The following FRMPD2 variants were observed in gnomAD, a reference collection of about 807,000 sequenced individuals.
FRMPD2 encodes the protein FERM and PDZ domain-containing protein 2.
A neutral mutation model predicts 140.1 loss-of-function variants in FRMPD2; 96 were observed. That is an observed-to-expected ratio of 0.69 (90% CI 0.58 to 0.81). The LOEUF is 0.81. Ranked by LOEUF, FRMPD2 falls within the 40% of genes least tolerant of loss-of-function variation. The pLI is 0.00. For synonymous variants in FRMPD2, 449 were observed against 547.6 expected (o/e 0.82, Z 2.52); for missense variants, 1,240 against 1,447.4 (o/e 0.86, Z 2.32).
At chr10:48,194,342 G>A (rs976097868) in intron 15 of FRMPD2, among the ~76,000 whole-genome samples, 1 of 152,160 alleles carries the variant, frequency 6.6e-6, no homozygotes, top group African/African-American at 2.4e-5. Flanking sequence ...CACAGTCCAC[G>A]CTGGAAAATG....
At chr10:48,192,310 G>C (rs1394980931) in intron 16 of FRMPD2, among the ~76,000 whole-genome samples, 1 of 152,096 alleles carries the variant, frequency 6.6e-6, no homozygotes, top group Non-Finnish European at 1.5e-5. Context: ...GGCCAGGCTT[G>C]GTGGCTCATG....
intron 7 of FRMPD2, 139 bp from the exon 8 acceptor site, chr10:48,238,262 G>A (rs1840017900): frequency 3.5e-6 from 3 of 860,766 alleles, no homozygotes; most frequent in Non-Finnish European, 3.5e-6. Flanking sequence ...CTATGGGGGA[G>A]TTATATCCAT....
intron 12 of FRMPD2, among the ~76,000 whole-genome samples, chr10:48,221,937 G>T: frequency 6.7e-6 from 1 of 149,428 alleles, no homozygotes; most frequent in East Asian, 2.1e-4. Context: ...TAGATCAATG[G>T]ATAGATGAAT....
chr10:48,211,706 A>G (rs991582384), intron 13 of FRMPD2, among the ~76,000 whole-genome samples: 2 of 152,050 alleles, frequency 1.3e-5, no homozygotes, highest in Non-Finnish European at 2.9e-5. Flanking sequence ...TAAATAAAAT[A>G]AAAAATAAGG....
At position 48,251,670 on chromosome 10, in the gene FRMPD2, G is replaced by A. The variant is rs148156257; in HGVS notation, c.47C>T (p.Thr16Met). Residue 16 changes from threonine (T) to methionine (M), a missense_variant, in exon 2 of 29, where the codon ACG (threonine) becomes ATG (methionine). By Grantham distance (81) the Thr-to-Met change is moderately conservative. Transcript: ENST00000374201. ...CCTGACCTGTAGGGCGCTGGCCAGC[G>A]TCACAGAGGACAGGCTCATGCCTAC... ...KDAGMSLSSV[T>M]LASALQVRGE... is the part of the protein sequence containing the mutation. 4.0e-5 allele frequency: 64 copies of A among 1,614,056 alleles called. No homozygotes were observed. The African/African-American group carries it at 7.1e-4, about 18-fold the overall frequency.
At chr10:48,261,788 C>T (rs894545547) in intron 1 of FRMPD2, among the ~76,000 whole-genome samples, 4 of 151,984 alleles carry the variant, frequency 2.6e-5, no homozygotes, top group African/African-American at 9.7e-5. Context: ...GGTGATTATG[C>T]CTTATAAATA....
intron 12 of FRMPD2, among the ~76,000 whole-genome samples, chr10:48,217,662 T>A (rs1418909326): frequency 6.6e-6 from 1 of 152,236 alleles, no homozygotes; most frequent in African/African-American, 2.4e-5. Context: ...TATACATGTG[T>A]AGGTGTTGGG....
chr10:48,244,714 C>A (rs952230776), intron 4 of FRMPD2, 70 bp downstream of exon 4: 1 of 1,189,734 alleles, frequency 8.4e-7, no homozygotes, highest in Admixed American at 1.7e-5. Context: ...GTGGTCCCTG[C>A]CCAGGAGAAA....
chr10:48,266,773 C>G (rs1840684966), intron 1 of FRMPD2, among the ~76,000 whole-genome samples: 1 of 152,230 alleles, frequency 6.6e-6, no homozygotes, highest in Non-Finnish European at 1.5e-5. Flanking sequence ...CCACTTTCCT[C>G]TGGTGATAAC....
chr10:48,201,409 A>C, intron 14 of FRMPD2, 25 bp from the exon 15 acceptor site: 5 of 1,610,336 alleles, frequency 3.1e-6, no homozygotes, highest in Non-Finnish European at 4.2e-6. Context: ...CACAGACTTT[A>C]ATACACTGAT....
At chr10:48,252,682 G>A (rs1454910754) in intron 1 of FRMPD2, among the ~76,000 whole-genome samples, 1 of 152,190 alleles carries the variant, frequency 6.6e-6, no homozygotes, top group Admixed American at 6.5e-5. Flanking sequence ...CCCTGGGGCA[G>A]AAAGGGAGCC....
intron 12 of FRMPD2, among the ~76,000 whole-genome samples, chr10:48,216,328 A>ATAGG (rs1219998909): frequency 6.6e-6 from 1 of 151,992 alleles, no homozygotes; most frequent in Admixed American, 6.6e-5. Flanking sequence ...AGATAGATAG[A>ATAGG]TGATAAATAG....
chr10:48,185,744 A>C, intron 17 of FRMPD2, 99 bp from the exon 18 acceptor site: 1 of 824,094 alleles, frequency 1.2e-6, no homozygotes, highest in South Asian at 1.4e-5. Flanking sequence ...ATGCGCGCAC[A>C]CACATTCACA....
At chr10:48,157,497 C>T in intron 28 of FRMPD2, 127 bp from the exon 29 acceptor site, 1 of 676,298 alleles carries the variant, frequency 1.5e-6, no homozygotes, top group South Asian at 1.6e-5. Flanking sequence ...CCTGCATTGC[C>T]TCTTTCTCTT....
chr10:48,245,500 C>T (rs1331984200), intron 3 of FRMPD2, among the ~76,000 whole-genome samples: 1 of 152,168 alleles, frequency 6.6e-6, no homozygotes, highest in African/African-American at 2.4e-5. Flanking sequence ...TCAGTTTCTT[C>T]ATCTTAAAAA....
chr10:48,223,880 G>A (rs1056848402), intron 10 of FRMPD2, among the ~76,000 whole-genome samples: 3 of 152,176 alleles, frequency 2.0e-5, no homozygotes, highest in East Asian at 1.9e-4. Context: ...AGGACACTGC[G>A]AAAAGGAAAC....
intron 8 of FRMPD2, among the ~76,000 whole-genome samples, chr10:48,236,964 A>G (rs1839980967): frequency 6.6e-6 from 1 of 152,182 alleles, no homozygotes; most frequent in South Asian, 2.1e-4. Context: ...CTAGATGTTG[A>G]ATCAATAGCT....
chr10:48,195,862 G>T (rs1359878772), intron 15 of FRMPD2, among the ~76,000 whole-genome samples: 1 of 152,214 alleles, frequency 6.6e-6, no homozygotes, highest in African/African-American at 2.4e-5. Context: ...CTGCTCTTGT[G>T]GAACTCCCAG....
chr10:48,257,754 T>C (rs1840515680), intron 1 of FRMPD2, among the ~76,000 whole-genome samples: 1 of 152,164 alleles, frequency 6.6e-6, no homozygotes, highest in Non-Finnish European at 1.5e-5. Context: ...AGTCTTATCA[T>C]CTGGTAAATA....
Sources: gnomAD v4.1 joint callset for allele counts (sites outside exome capture counted in the v4.1 genomes callset) on GRCh38, gnomAD v4.1.1 for gene constraint, MANE v1.5 for transcripts, NCBI Gene and HGNC (gene_info 2026-07-23, HGNC 2026-07-21) for gene names.